Variants in SPDYE14 observed in about 807,000 individuals in gnomAD.
SPDYE14 encodes speedy/RINGO cell cycle regulator family member E14.
the SPDYE14 span, among the ~76,000 whole-genome samples, chr7:75,274,915 T>C: frequency 3.2e-5 from 2 of 62,712 alleles, 1 homozygote; most frequent in Non-Finnish European, 8.4e-5. Flanking sequence ...AAGGAACTTT[T>C]TACAACAAAC....
chr7:75,240,715 G>A, the SPDYE14 span, among the ~76,000 whole-genome samples: 1 of 54,796 alleles, frequency 1.8e-5, no homozygotes, highest in African/African-American at 5.0e-5. Context: ...GATGGCCTAA[G>A]GTAGCATTTT....
chr7:75,279,707 G>C, the SPDYE14 span, among the ~76,000 whole-genome samples: 1 of 54,800 alleles, frequency 1.8e-5, no homozygotes, highest in Non-Finnish European at 4.4e-5. Context: ...CTCCCAAAGT[G>C]CTGGGATTAC....
At chr7:75,268,715 CA>C in the SPDYE14 span, among the ~76,000 whole-genome samples, 6 of 55,476 alleles carry the variant, frequency 1.1e-4, no homozygotes, top group Admixed American at 2.5e-4. Context: ...CCTATCTCTA[CA>C]AAAAAACAAA....
At chr7:75,265,160 C>T in the SPDYE14 span, among the ~76,000 whole-genome samples, 2 of 38,108 alleles carry the variant, frequency 5.2e-5, no homozygotes, top group African/African-American at 9.1e-5. Context: ...TGAGCAGTGG[C>T]GTGATCTTGG....
At chr7:75,275,084 G>A in the SPDYE14 span, among the ~76,000 whole-genome samples, 6 of 59,842 alleles carry the variant, frequency 1.0e-4, no homozygotes, top group East Asian at 9.7e-4. Context: ...CCGGCCAGCC[G>A]CCCCCTCCGG....
the SPDYE14 span, among the ~76,000 whole-genome samples, chr7:75,275,066 C>T: frequency 3.5e-5 from 2 of 57,158 alleles, no homozygotes; most frequent in South Asian, 6.2e-4. Flanking sequence ...GGGGGGTCAG[C>T]CCCCCGCCCG....
the SPDYE14 span, among the ~76,000 whole-genome samples, chr7:75,241,695 A>ATTTTT: frequency 0.015 from 237 of 15,494 alleles, 34 homozygotes; most frequent in Non-Finnish European, 0.029. Flanking sequence ...ATATATATAT[A>ATTTTT]TTTTTTTTTT....
chr7:75,275,506 T>G, the SPDYE14 span, among the ~76,000 whole-genome samples: 1 of 47,724 alleles, frequency 2.1e-5, no homozygotes, highest in African/African-American at 4.9e-5. Context: ...CAAGATGTGC[T>G]TTGTTAAACA....
the SPDYE14 span, among the ~76,000 whole-genome samples, chr7:75,269,247 T>C: frequency 9.1e-5 from 2 of 21,916 alleles, 1 homozygote; most frequent in East Asian, 7.3e-3. Flanking sequence ...GTGTGGGCAA[T>C]TGAGCTTAAA....
chr7:75,279,452 A>ATT, the SPDYE14 span, among the ~76,000 whole-genome samples: 6 of 92,930 alleles, frequency 6.5e-5, no homozygotes, highest in Admixed American at 2.4e-4. Flanking sequence ...ACACCCAGCT[A>ATT]TTTTTTTTTT....
At chr7:75,278,479 G>T in the SPDYE14 span, among the ~76,000 whole-genome samples, 6 of 23,670 alleles carry the variant, frequency 2.5e-4, 3 homozygotes, top group Admixed American at 4.4e-3. Context: ...TACTCGGGAG[G>T]CTGAGGTGGG....
the SPDYE14 span, among the ~76,000 whole-genome samples, chr7:75,274,499 C>CTTTTT: frequency 7.7e-5 from 1 of 13,040 alleles, no homozygotes; most frequent in Non-Finnish European, 1.4e-4. Context: ...CTAGTCCTGG[C>CTTTTT]TTTTTTTTTT....
At chr7:75,251,330 C>T in the SPDYE14 span, among the ~76,000 whole-genome samples, 1 of 41,588 alleles carries the variant, frequency 2.4e-5, no homozygotes, top group Non-Finnish European at 5.6e-5. Context: ...GTGATCTGCC[C>T]GCCTCAGACT....
the SPDYE14 span, among the ~76,000 whole-genome samples, chr7:75,268,845 C>CAG: frequency 0.04 from 384 of 9,604 alleles, 113 homozygotes; most frequent in African/African-American, 0.07. Context: ...GCACTCCAGC[C>CAG]AGAGAGAGAG....
the SPDYE14 span, among the ~76,000 whole-genome samples, chr7:75,262,184 C>G: frequency 1.9e-4 from 6 of 31,392 alleles, no homozygotes; most frequent in African/African-American, 3.6e-4. Flanking sequence ...CCACCCTGAG[C>G]AGCAGAGTGA....
chr7:75,267,728 T>TTTTTTTTA, the SPDYE14 span, among the ~76,000 whole-genome samples: 2 of 112,608 alleles, frequency 1.8e-5, no homozygotes, highest in African/African-American at 6.2e-5. Context: ...GTCTGCATGA[T>TTTTTTTTA]TTTATTTATT....
the SPDYE14 span, among the ~76,000 whole-genome samples, chr7:75,260,044 T>A: frequency 3.9e-5 from 2 of 50,998 alleles, no homozygotes. Context: ...CCTAAGGAGA[T>A]AGAAGGCTGG....
the SPDYE14 span, chr7:75,237,756 G>A: frequency 8.7e-6 from 1 of 114,428 alleles, no homozygotes; most frequent in Non-Finnish European, 2.1e-5. Flanking sequence ...GCCCGCGCGC[G>A]GCCTGCCGGG....
At chr7:75,256,818 GAAAAAAA>G in the SPDYE14 span, among the ~76,000 whole-genome samples, 2 of 11,810 alleles carry the variant, frequency 1.7e-4, 1 homozygote, top group African/African-American at 3.8e-4. Context: ...CTATCTCAAA[GAAAAAAA>G]AAAAAAAAAA....
Sources: allele counts gnomAD v4.1 joint callset (sites outside exome capture counted in the v4.1 genomes callset), GRCh38; gene constraint gnomAD v4.1.1; transcripts MANE v1.5; gene names NCBI Gene and HGNC (gene_info 2026-07-23, HGNC 2026-07-21).